Variants in FOXP2 observed in about 807,000 individuals in gnomAD.
The protein encoded by FOXP2 is forkhead box P2, also known as forkhead box protein P2.
Under a neutral mutation model 115.8 loss-of-function variants are expected in FOXP2, and 12 were observed. The ratio of observed to expected loss-of-function variants is 0.10; its 90% CI spans 0.07 to 0.17. The LOEUF (loss-of-function observed/expected upper bound fraction) is 0.17. Ranked by LOEUF, FOXP2 falls within the 10% of genes least tolerant of loss-of-function variation. FOXP2 has a pLI of 1.00. For synonymous variants in FOXP2, 328 were observed against 297.7 expected (o/e 1.10, Z -1.05); for missense variants, 629 against 843.5 (o/e 0.75, Z 3.15).
intron 2 of FOXP2, among the ~76,000 whole-genome samples, chr7:114,292,892 C>T (rs1796642712): frequency 6.6e-6 from 1 of 152,168 alleles, no homozygotes; most frequent in African/African-American, 2.4e-5. Flanking sequence ...AGCCAGTATT[C>T]ATTTTGACAG....
At chr7:114,344,180 C>T (rs1217325480) in intron 2 of FOXP2, among the ~76,000 whole-genome samples, 6 of 151,658 alleles carry the variant, frequency 4.0e-5, no homozygotes, top group Admixed American at 6.6e-5. Context: ...ACACAAGATA[C>T]GTGCATTGTA....
At chr7:114,420,387 A>C (rs140267890) in intron 1 of FOXP2, among the ~76,000 whole-genome samples, 1 of 152,054 alleles carries the variant, frequency 6.6e-6, no homozygotes, top group Non-Finnish European at 1.5e-5. Flanking sequence ...TTGGAGAGCT[A>C]ATTATTTCTT....
intron 3 of FOXP2, among the ~76,000 whole-genome samples, chr7:114,600,695 A>G (rs140249288): frequency 4.9e-4 from 74 of 152,306 alleles, no homozygotes; most frequent in African/African-American, 1.6e-3. Flanking sequence ...TTTAGCCATT[A>G]TAATAGGTGT....
At chr7:114,207,505 G>A (rs1014324339) in intron 1 of FOXP2, among the ~76,000 whole-genome samples, 1 of 152,058 alleles carries the variant, frequency 6.6e-6, no homozygotes, top group Admixed American at 6.6e-5. Context: ...TAGCTTGTAA[G>A]CATCTGAAGA....
chr7:114,413,934 G>A (rs1333646947), upstream of FOXP2, among the ~76,000 whole-genome samples: 2 of 152,052 alleles, frequency 1.3e-5, no homozygotes, highest in Admixed American at 6.6e-5. Context: ...GTCCACTCAC[G>A]ATGGTGTTCA....
intron 1 of FOXP2, among the ~76,000 whole-genome samples, chr7:114,207,160 A>G (rs1308735207): frequency 6.6e-6 from 1 of 152,172 alleles, no homozygotes; most frequent in African/African-American, 2.4e-5. Flanking sequence ...TTTCTGGCCA[A>G]ATAATATTCT....
intron 3 of FOXP2, among the ~76,000 whole-genome samples, chr7:114,536,075 A>G (rs1292842465): frequency 6.6e-6 from 1 of 151,476 alleles, no homozygotes; most frequent in Non-Finnish European, 1.5e-5. Context: ...GACAGAGAAA[A>G]ATTTACATAG....
intron 1 of FOXP2, among the ~76,000 whole-genome samples, chr7:114,131,440 A>G (rs79054599): frequency 6.6e-6 from 1 of 152,246 alleles, no homozygotes; most frequent in Non-Finnish European, 1.5e-5. Flanking sequence ...CAAAAACAAT[A>G]TCTAAGTGAC....
At chr7:114,462,836 T>A (rs1795638476) in intron 2 of FOXP2, among the ~76,000 whole-genome samples, 1 of 152,206 alleles carries the variant, frequency 6.6e-6, no homozygotes, top group African/African-American at 2.4e-5. Flanking sequence ...TAGAAAGGGC[T>A]TTGCAGTAAA....
At chr7:114,150,888 A>C (rs1792511982) in intron 1 of FOXP2, among the ~76,000 whole-genome samples, 1 of 152,020 alleles carries the variant, frequency 6.6e-6, no homozygotes, top group African/African-American at 2.4e-5. Context: ...CATTCCCTCA[A>C]GTACATTGTA....
intron 2 of FOXP2, among the ~76,000 whole-genome samples, chr7:114,379,503 T>G (rs941954360): frequency 1.3e-5 from 2 of 151,892 alleles, no homozygotes; most frequent in Non-Finnish European, 2.9e-5. Context: ...TGGGGCATAG[T>G]AGGGGTTGTG....
chr7:114,498,048 T>C (rs1797401094), intron 2 of FOXP2, among the ~76,000 whole-genome samples: 1 of 152,206 alleles, frequency 6.6e-6, no homozygotes, highest in Admixed American at 6.5e-5. Flanking sequence ...CTATTATCTA[T>C]GATACCGAAA....
intron 1 of FOXP2, among the ~76,000 whole-genome samples, chr7:114,206,266 A>G (rs1794200339): frequency 6.6e-6 from 1 of 152,064 alleles, no homozygotes; most frequent in African/African-American, 2.4e-5. Context: ...GAAAATCCAA[A>G]TTCATTACTG....
intron 2 of FOXP2, among the ~76,000 whole-genome samples, chr7:114,371,247 AT>A (rs34625695): frequency 0.011 from 1,493 of 141,022 alleles, 23 homozygotes; most frequent in African/African-American, 0.031. Context: ...TGTCCAGCTA[AT>A]TTTTTTTTTT....
At chr7:114,470,149 T>G (rs966899800) in intron 2 of FOXP2, among the ~76,000 whole-genome samples, 4 of 152,322 alleles carry the variant, frequency 2.6e-5, no homozygotes, top group African/African-American at 9.6e-5. Context: ...CAAAATTGTC[T>G]CCTGGCTCCC....
chr7:114,544,945 C>G (rs980503498), intron 3 of FOXP2, among the ~76,000 whole-genome samples: 2 of 152,108 alleles, frequency 1.3e-5, no homozygotes, highest in African/African-American at 2.4e-5. Context: ...AATTCATTTT[C>G]AAGTCTAAAA....
intron 16 of FOXP2, among the ~76,000 whole-genome samples, chr7:114,683,363 T>C (rs1244589136): frequency 6.6e-5 from 10 of 152,144 alleles, no homozygotes; most frequent in African/African-American, 2.2e-4. Context: ...TAAGGCAATA[T>C]GGGGTAGCAG....
chr7:114,663,571 T>A, intron 15 of FOXP2, 52 bp downstream of exon 15: 1 of 1,406,556 alleles, frequency 7.1e-7, no homozygotes, highest in Non-Finnish European at 1.0e-6. Context: ...GCTTTTTTTT[T>A]TTTTTTGGCA....
At chr7:114,529,003 T>A (rs1799010411) in intron 2 of FOXP2, among the ~76,000 whole-genome samples, 2 of 151,928 alleles carry the variant, frequency 1.3e-5, no homozygotes, top group Non-Finnish European at 2.9e-5. Flanking sequence ...ATTTTAAAGT[T>A]GGACGGAATT....
Sources: allele counts gnomAD v4.1 joint callset (sites outside exome capture counted in the v4.1 genomes callset), GRCh38; gene constraint gnomAD v4.1.1; transcripts MANE v1.5; gene names NCBI Gene and HGNC (gene_info 2026-07-23, HGNC 2026-07-21).